The following SLCO4A1 variants were observed in gnomAD, a reference collection of about 807,000 sequenced individuals.
SLCO4A1 encodes the protein solute carrier organic anion transporter family member 4A1.
In SLCO4A1, 51 loss-of-function variants were observed where a neutral mutation model predicts 64.6. The ratio of observed to expected loss-of-function variants is 0.79; its 90% confidence interval spans 0.63 to 1.00. SLCO4A1 has a LOEUF of 1.00. Among genes scored for constraint, SLCO4A1 ranks in the 50% least tolerant of loss-of-function variants. SLCO4A1 has a pLI of 0.00. For missense variants in SLCO4A1, 919 were observed against 980.5 expected (o/e 0.94, Z 0.84); for synonymous variants, 471 against 444.9 (o/e 1.06, Z -0.74).
chr20:62,667,616 A>T, intron 7 of SLCO4A1, 129 bp from the exon 8 acceptor site: 1 of 1,155,330 alleles, frequency 8.7e-7, no homozygotes, highest in Non-Finnish European at 1.2e-6. Context: ...GGGGCGGTGC[A>T]AGCTTGGCAA....
intron 7 of SLCO4A1, 58 bp downstream of exon 7, chr20:62,666,633 G>A: frequency 3.4e-6 from 5 of 1,449,738 alleles, no homozygotes; most frequent in South Asian, 1.2e-5. Context: ...GCGGTCCCTG[G>A]GCATGGAGGA....
downstream of SLCO4A1, among the ~76,000 whole-genome samples, chr20:62,677,003 T>C (rs1042744307): frequency 3.3e-5 from 5 of 152,242 alleles, 1 homozygote; most frequent in Admixed American, 3.3e-4. Flanking sequence ...CAGGTGCGCA[T>C]GGACCTTGAA....
Position 62,664,970 on chromosome 20 carries a change from CCTGCTCTGCCTGGCCGG to C in SLCO4A1, c.1159_1175del (p.Leu387GlyfsTer160). 6.2e-7 allele frequency: 1 copy of C among 1,613,288 alleles called. No homozygotes were observed. Among genetic ancestry groups the C allele is most frequent in the Non-Finnish European group, 8.5e-7 (1 of 1,179,568 alleles). ...TCCTGCTGAAGAACCCCACGTTCATCCTGCTCTGCCTGGCCGGGGCCACCGAGGCCACTCTCATCACC... is the reference window on the plus strand; with the variant it reads ...TCCTGCTGAAGAACCCCACGTTCATCGGCCACCGAGGCCACTCTCATCACC... On this transcript the variant is annotated frameshift_variant, in exon 6 of 12. Transcript: ENST00000217159. LOFTEE classifies it high-confidence loss of function.
chr20:62,666,842 T>C (rs1287958669), intron 7 of SLCO4A1: 6 of 447,202 alleles, frequency 1.3e-5, no homozygotes, highest in South Asian at 3.8e-5. Flanking sequence ...AGCACTCTGC[T>C]CTGTAGCTGT....
intron 1 of SLCO4A1, among the ~76,000 whole-genome samples, chr20:62,654,264 G>C (rs1025892552): frequency 6.6e-6 from 1 of 152,178 alleles, no homozygotes; most frequent in Non-Finnish European, 1.5e-5. Context: ...CGGGTTTAGG[G>C]CCCACCCTAA....
chr20:62,668,421 G>A, intron 9 of SLCO4A1, 56 bp from the exon 10 acceptor site: 1 of 1,571,396 alleles, frequency 6.4e-7, no homozygotes, highest in Non-Finnish European at 8.8e-7. Context: ...CCTAGGGGGT[G>A]ACTTGGCATG....
chr20:62,644,395 G>A lies in SLCO4A1; in HGVS notation c.-97+1842G>A, dbSNP rs1980953636. 1.3e-5 allele frequency among the ~76,000 whole-genome samples: 2 copies of A among 152,270 alleles called. No individual in the cohort carries two copies. The highest frequency in any genetic ancestry group is 1.3e-4 in the Admixed American group (2 of 15,282). On this transcript the variant is annotated intron_variant, in intron 1 of 11. Coordinates refer to ENST00000217159, the MANE Select transcript of SLCO4A1 (RefSeq NM_016354.4). The surrounding 1 kb of genome is among the most constrained non-coding windows in gnomAD (Gnocchi z 5.4). The stretch of plus-strand genomic sequence containing the variant: ...CCGTGACCTAATCTGTAGCTCACTG[G>A]GTGTGGCCCCTAAAGCAGGTGCTGG...
At position 62,661,090 on chromosome 20, in the gene SLCO4A1, G is replaced by C. The variant is rs761925893; in HGVS notation, c.1036G>C (p.Ala346Pro). The C allele has an allele frequency of 6.2e-7, 1 of 1,608,032 alleles. No individual in the cohort carries two copies. Among genetic ancestry groups the C allele is most frequent in the South Asian group, 1.1e-5 (1 of 90,912 alleles). The change falls in exon 5 of 12, where the codon GCG becomes CCG. Residue 346 changes from alanine to proline, a missense_variant. Ala to Pro is a conservative substitution (Grantham distance 27). Transcript: ENST00000217159. The surrounding 1 kb of genome is among the most constrained non-coding windows in gnomAD (Gnocchi z 5.2). ...PGSQRYAVMR[A>P]AEMHQLKDSS... Reference sequence around the variant, plus strand: ...CTCCCAGCGCTACGCGGTCATGAGAGCGGCGGAAATGCACCAGTTGAAGGA... The same window carrying C: ...CTCCCAGCGCTACGCGGTCATGAGACCGGCGGAAATGCACCAGTTGAAGGA...
At chr20:62,648,664 G>A (rs1981866297) in intron 1 of SLCO4A1, among the ~76,000 whole-genome samples, 1 of 152,238 alleles carries the variant, frequency 6.6e-6, no homozygotes, top group South Asian at 2.1e-4. Context: ...GTGTGCACAG[G>A]AGAGCTCAGC....
chr20:62,668,832 C>T, intron 10 of SLCO4A1, 98 bp from the exon 11 acceptor site: 1 of 1,286,094 alleles, frequency 7.8e-7, no homozygotes, highest in Non-Finnish European at 1.1e-6. Flanking sequence ...CCAGTATCAC[C>T]TTCCCAGAGC....
At chr20:62,668,349 A>AG (rs760677966) in intron 9 of SLCO4A1, 128 bp from the exon 10 acceptor site, 1 of 1,259,106 alleles carries the variant, frequency 7.9e-7, no homozygotes, top group East Asian at 2.3e-5. Flanking sequence ...ATCTCTGACG[A>AG]GGGGCTTCCC....
In SLCO4A1 at chr20:62,659,669, G is replaced by A. The variant is rs142591456; in HGVS notation, c.888-743G>A. On this transcript the variant is annotated intron_variant, in intron 3 of 11. Coordinates refer to ENST00000217159, the MANE Select transcript of SLCO4A1 (RefSeq NM_016354.4). ...CGGGGTCTGGCCCCCGGAGGCGGCC[G>A]CAGCATTTCTGCGCTGGAGCAAGCA... Among the ~76,000 whole-genome samples, 1,513 of 152,316 alleles carry A rather than the reference G, an allele frequency of 9.9e-3. 13 individuals are homozygous for A. The highest frequency in any genetic ancestry group is 0.018 in the South Asian group (87 of 4,828).
At chr20:62,665,884 C>T (rs113486684) in intron 6 of SLCO4A1, 3,132 of 155,720 alleles carry the variant, frequency 0.02, 96 homozygotes, top group African/African-American at 0.07. Context: ...CTTGTCAGCC[C>T]AGAAGCTAGA....
intron 5 of SLCO4A1, among the ~76,000 whole-genome samples, chr20:62,662,219 G>A (rs760622608): frequency 1.3e-5 from 2 of 152,118 alleles, no homozygotes; most frequent in Non-Finnish European, 2.9e-5. Flanking sequence ...GGGAAAGAGA[G>A]GCCTCATTAG....
intron 6 of SLCO4A1, 66 bp from the exon 7 acceptor site, chr20:62,666,314 A>C (rs1986324964): frequency 6.9e-7 from 1 of 1,458,548 alleles, no homozygotes; most frequent in Non-Finnish European, 9.5e-7. Context: ...GACCCGGCTG[A>C]TCCACCACCC....
At chr20:62,666,304 G>C in intron 6 of SLCO4A1, 76 bp from the exon 7 acceptor site, 1 of 1,347,932 alleles carries the variant, frequency 7.4e-7, no homozygotes, top group Admixed American at 1.8e-5. Context: ...CTGTAAAGTG[G>C]ACCCGGCTGA....
At chr20:62,666,118 G>GCCCCCC (rs1325102807) in intron 6 of SLCO4A1, 3 of 52,874 alleles carry the variant, frequency 5.7e-5, no homozygotes, top group Admixed American at 2.0e-4. Context: ...CCGCCCCCCC[G>GCCCCCC]CTCCCCCTTC....
At chr20:62,689,933 C>T (rs908319088), downstream of SLCO4A1, among the ~76,000 whole-genome samples, 3 of 152,234 alleles carry the variant, frequency 2.0e-5, no homozygotes, top group Non-Finnish European at 4.4e-5. Flanking sequence ...GGGGGACCCG[C>T]GTCCCCACCC....
intron 2 of SLCO4A1, among the ~76,000 whole-genome samples, chr20:62,681,632 T>A (rs1770504920): frequency 6.6e-6 from 1 of 152,226 alleles, no homozygotes; most frequent in South Asian, 2.1e-4. Flanking sequence ...TTGACTGTGC[T>A]CGAATATCCA....
Sources: gnomAD v4.1 joint callset for allele counts (sites outside exome capture counted in the v4.1 genomes callset) on GRCh38, gnomAD v4.1.1 for gene constraint, Gnocchi (gnomAD v3.1) non-coding constraint, MANE v1.5 for transcripts, NCBI Gene and HGNC (gene_info 2026-07-23, HGNC 2026-07-21) for gene names.